Variants in TCERG1L observed in about 807,000 individuals in gnomAD.
The protein encoded by TCERG1L is transcription elongation regulator 1 like.
Under a neutral mutation model 56.3 loss-of-function variants are expected in TCERG1L, and 37 were observed. That is an observed-to-expected ratio of 0.66 (90% CI 0.51 to 0.87). The LOEUF (loss-of-function observed/expected upper bound fraction) is 0.87. TCERG1L is among the 40% of genes least tolerant of loss of function. The probability of loss-of-function intolerance (pLI) is 0.00; values close to 1 mark genes in which losing one functional copy is unlikely to be tolerated. For missense variants in TCERG1L, 799 were observed against 774.2 expected (o/e 1.03, Z -0.38); for synonymous variants, 324 against 326.3 (o/e 0.99, Z 0.08).
chr10:131,290,382 A>G (rs1225258787), intron 3 of TCERG1L, among the ~76,000 whole-genome samples: 2 of 152,210 alleles, frequency 1.3e-5, no homozygotes, highest in Admixed American at 1.3e-4. Context: ...CTGTAATCCC[A>G]GCACTTTAGG....
At chr10:131,230,834 C>A (rs11815527) in intron 4 of TCERG1L, among the ~76,000 whole-genome samples, 1 of 152,330 alleles carries the variant, frequency 6.6e-6, no homozygotes, top group African/African-American at 2.4e-5. Context: ...TCCAGGCAGG[C>A]GGCTCTGGAC....
At chr10:131,287,058 T>C (rs991632416) in intron 3 of TCERG1L, among the ~76,000 whole-genome samples, 2 of 152,242 alleles carry the variant, frequency 1.3e-5, no homozygotes, top group African/African-American at 4.8e-5. Flanking sequence ...AATTAACAAA[T>C]TATTAAAATT....
chr10:131,292,467 T>C (rs1846639183), intron 3 of TCERG1L, among the ~76,000 whole-genome samples: 1 of 152,258 alleles, frequency 6.6e-6, no homozygotes. Context: ...GTAGGATTTG[T>C]ATAGCTATCT....
chr10:131,285,399 A>AAAGGAAGGAAGG lies in TCERG1L; in HGVS notation c.670+22800_670+22811dup, dbSNP rs201339365. On this transcript the variant is annotated intron_variant, in intron 3 of 11. Coordinates refer to ENST00000368642, the MANE Select transcript of TCERG1L (RefSeq NM_174937.4). ...AAAAAAAAAAGGAAAGAAAGAAAAG[A>AAAGGAAGGAAGG]AAGGAAGGAAGGAAAGAGAGAGAGA... 2.4e-3 allele frequency among the ~76,000 whole-genome samples: 313 copies of AAAGGAAGGAAGG among 131,660 alleles called. 6 individuals carry two copies. The highest frequency in any genetic ancestry group is 8.7e-3 in the African/African-American group (298 of 34,232). The allele number at this position is 131,660 out of a possible 152,430, so 86.4% of individuals were successfully genotyped here.
At chr10:131,139,889 T>C (rs963130508) in intron 7 of TCERG1L, among the ~76,000 whole-genome samples, 3 of 152,200 alleles carry the variant, frequency 2.0e-5, no homozygotes, top group Non-Finnish European at 4.4e-5. Context: ...TGTGTGTGTC[T>C]GAGTGTGTTT....
intron 1 of TCERG1L, among the ~76,000 whole-genome samples, chr10:131,310,795 A>G (rs1385868789): frequency 1.3e-5 from 2 of 152,190 alleles, no homozygotes; most frequent in Non-Finnish European, 1.5e-5. Context: ...GAATTCTCTT[A>G]AGCATTGCCC....
intron 3 of TCERG1L, among the ~76,000 whole-genome samples, chr10:131,285,564 A>AAAAG (rs1425533905): frequency 1.2e-4 from 16 of 135,152 alleles, no homozygotes; most frequent in Middle Eastern, 3.7e-3. Context: ...GGAAGAAAGA[A>AAAAG]AAAGAAAGAA....
intron 4 of TCERG1L, among the ~76,000 whole-genome samples, chr10:131,244,945 G>A (rs1292713407): frequency 6.6e-6 from 1 of 152,198 alleles, no homozygotes. Context: ...CAGGACACTG[G>A]GGAACAGGAA....
At chr10:131,126,797 G>A (rs1845570376) in intron 8 of TCERG1L, among the ~76,000 whole-genome samples, 2 of 152,196 alleles carry the variant, frequency 1.3e-5, no homozygotes, top group Non-Finnish European at 2.9e-5. Context: ...GCCACGTCCT[G>A]TCCTTTGGCA....
intron 6 of TCERG1L, among the ~76,000 whole-genome samples, chr10:131,149,757 C>T (rs2080059298): frequency 1.3e-5 from 2 of 152,330 alleles, no homozygotes; most frequent in Non-Finnish European, 2.9e-5. Context: ...CTCCAGGCAC[C>T]CCTCTTGCAA....
chr10:131,133,612 C>A (rs974594289), intron 8 of TCERG1L, among the ~76,000 whole-genome samples: 1 of 152,190 alleles, frequency 6.6e-6, no homozygotes, highest in African/African-American at 2.4e-5. Flanking sequence ...TGGGGCCCAG[C>A]AGCCACAACA....
intron 4 of TCERG1L, among the ~76,000 whole-genome samples, chr10:131,189,333 A>G (rs1041323517): frequency 6.6e-6 from 1 of 152,000 alleles, no homozygotes; most frequent in African/African-American, 2.4e-5. Flanking sequence ...ATCCCTCCCC[A>G]CTGCCTCACC....
At chr10:131,110,396 T>G (rs1027556829) in intron 9 of TCERG1L, among the ~76,000 whole-genome samples, 2 of 152,178 alleles carry the variant, frequency 1.3e-5, no homozygotes, top group African/African-American at 4.8e-5. Flanking sequence ...CTTGTGGCCC[T>G]GGTGGTCTCA....
intron 3 of TCERG1L, among the ~76,000 whole-genome samples, chr10:131,281,725 G>A (rs1233465090): frequency 6.8e-6 from 1 of 147,634 alleles, no homozygotes; most frequent in Non-Finnish European, 1.5e-5. Flanking sequence ...TCGTGTTCTT[G>A]TTCTTTAAAA....
At chr10:131,305,375 A>G (rs1846809787) in intron 3 of TCERG1L, among the ~76,000 whole-genome samples, 1 of 151,962 alleles carries the variant, frequency 6.6e-6, no homozygotes, top group Non-Finnish European at 1.5e-5. Context: ...ATTCATCCAA[A>G]TTGTGCTTTT....
At chr10:131,169,524 T>G (rs1312947809) in intron 4 of TCERG1L, among the ~76,000 whole-genome samples, 1 of 152,192 alleles carries the variant, frequency 6.6e-6, no homozygotes, top group Non-Finnish European at 1.5e-5. Context: ...CTGAGACCTA[T>G]TTTTTGACTG....
At chr10:131,153,937 C>G (rs2133422142) in intron 6 of TCERG1L, among the ~76,000 whole-genome samples, 1 of 152,304 alleles carries the variant, frequency 6.6e-6, no homozygotes, top group East Asian at 1.9e-4. Context: ...GGAGTTGAAC[C>G]AGAGTGAGTA....
intron 4 of TCERG1L, among the ~76,000 whole-genome samples, chr10:131,230,223 T>C (rs1183202981): frequency 1.3e-5 from 2 of 152,194 alleles, no homozygotes; most frequent in East Asian, 3.9e-4. Context: ...TTGTGTTTCA[T>C]TTTACGAGGA....
At chr10:131,194,690 C>T (rs1349054095) in intron 4 of TCERG1L, among the ~76,000 whole-genome samples, 1 of 152,132 alleles carries the variant, frequency 6.6e-6, no homozygotes, top group Non-Finnish European at 1.5e-5. Context: ...GTCTTGTTTG[C>T]ACGTGGAATT....
Sources: allele counts gnomAD v4.1 joint callset (sites outside exome capture counted in the v4.1 genomes callset), GRCh38; gene constraint gnomAD v4.1.1; transcripts MANE v1.5; gene names NCBI Gene and HGNC (gene_info 2026-07-23, HGNC 2026-07-21).